The following FLG variants were observed in gnomAD, a reference collection of about 807,000 sequenced individuals.
FLG encodes epidermal filaggrin.
A neutral mutation model predicts 3.8 loss-of-function variants in FLG; 6 were observed. That is an observed-to-expected ratio of 1.60 (90% confidence interval 0.87 to 3.15). The LOEUF is 3.15. Ranked by LOEUF, FLG falls within the 30% of genes most tolerant of loss-of-function variation. The probability of loss-of-function intolerance (pLI) is 0.00; values close to 1 mark genes in which losing one functional copy is unlikely to be tolerated. For missense variants in FLG, 7,595 were observed against 5,050.9 expected (o/e 1.50, Z -15.27); for synonymous variants, 2,551 against 1,931.6 (o/e 1.32, Z -8.41).
rs140980397 is a variant in FLG at position 152,308,956 on chromosome 1, G to T, written c.5930C>A (p.Ser1977Ter). The T allele has an allele frequency of 1.9e-6, 3 of 1,614,182 alleles. No individual in the cohort carries two copies. The highest frequency in any genetic ancestry group is 2.5e-6 in the Non-Finnish European group (3 of 1,180,012). ...HGHSADSSRQ[S>*]GTRHTESSSR... ...GGAAGACTCTGTGTGACGAGTGCCT[G>T]ATTGTCTGGAGCTGTCTGCAGAGTG... The change falls in exon 3 of 3, where the codon TCA becomes TAA. Residue 1977 changes from serine to a stop codon, truncating the protein, a stop_gained. Transcript: ENST00000368799. LOFTEE classifies it low-confidence loss of function (END_TRUNC).
Position 152,304,303 on chromosome 1 carries a change from C to T in FLG, c.10583G>A (p.Gly3528Glu), listed in dbSNP as rs1369550382. The change falls in exon 3 of 3, where the codon GGG (glycine) becomes GAG (glutamate). Residue 3528 changes from glycine to glutamate, a missense_variant. Coordinates refer to ENST00000368799, the MANE Select transcript of FLG (RefSeq NM_002016.2). ...TCCCTGGTTCCTGCTTGTCCTGGGC[C>T]CCGCTGATTGTCCCTGGCCGGACTG... ...HSQSGQGQSA[G>E]PRTSRNQGSS... is the part of the protein sequence containing the mutation. 2 of 1,612,272 alleles carry T rather than the reference C, an allele frequency of 1.2e-6. No homozygotes were observed. The highest frequency in any genetic ancestry group is 1.7e-6 in the Non-Finnish European group (2 of 1,179,042).
In FLG at chr1:152,310,207, C is replaced by T. The variant is rs376401439; in HGVS notation, c.4679G>A (p.Arg1560His). The change falls in exon 3 of 3, where the codon CGT (arginine) becomes CAT (histidine). Residue 1560 changes from arginine (R) to histidine (H), a missense_variant. Transcript: ENST00000368799. ...GGCCCGAGTGGAAGGTTCATGGTGACGTGACCCTGAGTGCCTGGAGCCGTC... is the reference window on the plus strand; with the variant it reads ...GGCCCGAGTGGAAGGTTCATGGTGATGTGACCCTGAGTGCCTGGAGCCGTC... ...SGDGSRHSGS[R>H]HHEPSTRAGS... The T allele has an allele frequency of 3.3e-5, 53 of 1,613,466 alleles. No homozygotes were observed. Among genetic ancestry groups the T allele is most frequent in the African/African-American group, 1.3e-4 (10 of 74,706 alleles).
rs770082420 is a variant in FLG, at chr1:152,308,950, G to C, written c.5936C>G (p.Thr1979Ser). The change falls in exon 3 of 3, where the codon ACT becomes AGT. Residue 1979 changes from threonine to serine, a missense_variant. Coordinates refer to ENST00000368799, the MANE Select transcript of FLG (RefSeq NM_002016.2). The stretch of plus-strand genomic sequence containing the variant: ...ACGAGAGGAAGACTCTGTGTGACGA[G>C]TGCCTGATTGTCTGGAGCTGTCTGC... ...HSADSSRQSG[T>S]RHTESSSRGQ... 4.3e-6 allele frequency: 7 copies of C among 1,614,176 alleles called. No individual in the cohort carries two copies. The highest frequency in any genetic ancestry group is 3.4e-6 in the Non-Finnish European group (4 of 1,180,004).
Position 152,308,307 on chromosome 1 carries a change from T to C in FLG, c.6579A>G (p.Thr2193=). 6.2e-7 allele frequency: 1 copy of C among 1,613,604 alleles called. No homozygotes were observed. The highest frequency in any genetic ancestry group is 1.1e-5 in the South Asian group (1 of 91,052). Residue 2193 remains threonine, a synonymous_variant, in exon 3 of 3, where the codon ACA becomes ACG. Transcript: ENST00000368799. ...QSGSRSASRK[T]YDKEQSGDGS... is the part of the protein sequence containing the mutation. ...CATCTCCTGATTGTTCCTTGTCATATGTTTTTCTGCTTGCACTTCTGGATC... is the reference window on the plus strand; with the variant it reads ...CATCTCCTGATTGTTCCTTGTCATACGTTTTTCTGCTTGCACTTCTGGATC...
rs1416348327 is a variant in FLG at position 152,311,094 on chromosome 1, C to A, written c.3792G>T (p.Arg1264Ser). The change falls in exon 3 of 3, where the codon AGG becomes AGT. Residue 1264 changes from arginine to serine, a missense_variant. Transcript: ENST00000368799. ...QEQSSGSRTSRHQGSSVSQDS... is the reference protein window; with the variant it reads ...QEQSSGSRTSSHQGSSVSQDS... ...CCTGGCTAACACTGGATCCCTGGTGCCTGCTTGTCCTGGACCCCGATGATT... is the reference window on the plus strand; with the variant it reads ...CCTGGCTAACACTGGATCCCTGGTGACTGCTTGTCCTGGACCCCGATGATT... The A allele has an allele frequency of 2.5e-6, 4 of 1,613,792 alleles. No homozygotes were observed. The highest frequency in any genetic ancestry group is 3.4e-6 in the Non-Finnish European group (4 of 1,180,004).
chr1:152,307,497 A>G lies in FLG; in HGVS notation c.7389T>C (p.His2463=), dbSNP rs369666445. Residue 2463 remains histidine, a synonymous_variant, in exon 3 of 3, where the codon CAT becomes CAC. Transcript: ENST00000368799. ...STSQEGQDTI[H]GHPGSSSGGR... is the part of the protein sequence containing the mutation. ...CTCCACTGCTTGACCCCGGGTGTCCATGAATGGTGTCCTGACCCTCTTGGG... is the reference window on the plus strand; with the variant it reads ...CTCCACTGCTTGACCCCGGGTGTCCGTGAATGGTGTCCTGACCCTCTTGGG... The G allele has an allele frequency of 2.4e-5, 39 of 1,613,056 alleles. No individual in the cohort carries two copies. The highest frequency in any genetic ancestry group is 3.1e-5 in the Non-Finnish European group (36 of 1,179,738).
In FLG at chr1:152,304,327, T is replaced by A; in HGVS notation, c.10559A>T (p.Gln3520Leu). Residue 3520 changes from glutamine to leucine, a missense_variant, in exon 3 of 3, where the codon CAG becomes CTG. Physicochemically the swap from Gln to Leu is moderately radical, Grantham distance 113. Coordinates refer to ENST00000368799, the MANE Select transcript of FLG (RefSeq NM_002016.2). ...CCCCGCTGATTGTCCCTGGCCGGAC[T>A]GTGAGTGTCTAGAGCTGTCCGCCTG... is the stretch of plus-strand genomic sequence containing the variant. ...STQADSSRHS[Q>L]SGQGQSAGPR... 6.2e-7 allele frequency: 1 copy of A among 1,611,668 alleles called. No individual in the cohort carries two copies. Among genetic ancestry groups the A allele is most frequent in the African/African-American group, 1.3e-5 (1 of 74,916 alleles).
At chr1:152,316,797 T>C (rs150115494) in intron 1 of FLG, among the ~76,000 whole-genome samples, 235 of 152,286 alleles carry the variant, frequency 1.5e-3, no homozygotes, top group African/African-American at 5.4e-3. Flanking sequence ...ATGTACTCAC[T>C]TCCCTTTTTA....
rs372882396 is a variant in FLG at position 152,308,461 on chromosome 1, G to T, written c.6425C>A (p.Pro2142Gln). 9.3e-6 allele frequency: 15 copies of T among 1,613,640 alleles called. No homozygotes were observed. The South Asian group carries it at 1.5e-4, about 17-fold the overall frequency. Residue 2142 changes from proline (P) to glutamine (Q), a missense_variant, in exon 3 of 3, where the codon CCG becomes CAG. Transcript: ENST00000368799. ...QEGQDTIRGH[P>Q]GPSRGGRQGS... The stretch of plus-strand genomic sequence containing the variant: ...CTGTCTTCCTCCTCTGCTTGGCCCC[G>T]GGTGTCCACGAATGGTGTCCTGACC...
chr1:152,310,290 A>G lies in FLG; in HGVS notation c.4596T>C (p.His1532=), dbSNP rs1652311385. 1.9e-6 allele frequency: 3 copies of G among 1,613,788 alleles called. No individual in the cohort carries two copies. The highest frequency in any genetic ancestry group is 2.5e-6 in the Non-Finnish European group (3 of 1,179,938). The part of the protein sequence containing the change: ...TTPQGRSDAS[H]GQSGPRSASR... ...TTGCACTTCTGGGTCCTGACTGCCC[A>G]TGGGAGGCATCAGACCTTCCCTGGG... Residue 1532 remains histidine, a synonymous_variant, in exon 3 of 3, where the codon CAT becomes CAC. Coordinates refer to ENST00000368799, the MANE Select transcript of FLG (RefSeq NM_002016.2).
chr1:152,303,324 C>G lies in FLG; in HGVS notation c.11562G>C (p.Arg3854Ser). ...CACTGGATCCCTGGCGCCTGCTTCT[C>G]CTGGACCCCGCTGATTCACCCTGGC... ...QSGQGESAGS[R>S]RSRRQGSSVS... The change falls in exon 3 of 3, where the codon AGG becomes AGC. Residue 3854 changes from arginine (R) to serine (S), a missense_variant. Coordinates refer to ENST00000368799, the MANE Select transcript of FLG (RefSeq NM_002016.2). The G allele has an allele frequency of 6.2e-7, 1 of 1,614,136 alleles. No individual in the cohort carries two copies.
rs1294359075 is a variant in FLG at position 152,309,759 on chromosome 1, A to G, written c.5127T>C (p.Ser1709=). 1.2e-6 allele frequency: 2 copies of G among 1,613,432 alleles called. No individual in the cohort carries two copies. Among genetic ancestry groups the G allele is most frequent in the African/African-American group, 1.3e-5 (1 of 74,724 alleles). Residue 1709 remains serine (S), a synonymous_variant, in exon 3 of 3, where the codon AGT becomes AGC. Transcript: ENST00000368799. ...GGCTACCACTGGACCCTCGGTTTCC[A>G]CTGTCTCCGACTACAGATGAATCTT... ...RRQDSSVVGD[S]GNRGSSGSQA...
chr1:152,308,601 G>C lies in FLG; in HGVS notation c.6285C>G (p.Ser2095Arg), dbSNP rs774677530. 3 of 1,613,978 alleles carry C rather than the reference G, an allele frequency of 1.9e-6. No individual in the cohort carries two copies. In the Admixed American group the frequency reaches 5.0e-5, roughly 27 times the overall value. ...GRSGSFLYQV[S>R]THEQSESTHG... The stretch of plus-strand genomic sequence containing the variant: ...GGGTGGACTCAGACTGTTCATGAGT[G>C]CTCACCTGGTAGAGGAAAGACCCTG... The change falls in exon 3 of 3, where the codon AGC becomes AGG. Residue 2095 changes from serine (S) to arginine (R), a missense_variant. By Grantham distance (110) the Ser-to-Arg change is moderately radical. Transcript: ENST00000368799.
Position 152,307,880 on chromosome 1 carries a change from G to A in FLG, c.7006C>T (p.Gln2336Ter), listed in dbSNP as rs754701219. The A allele has an allele frequency of 1.3e-5, 21 of 1,613,156 alleles. No individual in the cohort carries two copies. The highest frequency in any genetic ancestry group is 9.9e-5 in the South Asian group (9 of 90,940). Residue 2336 changes from glutamine (Q) to a stop codon, truncating the protein, a stop_gained, in exon 3 of 3, where the codon CAG becomes TAG. Transcript: ENST00000368799. LOFTEE classifies it low-confidence loss of function (END_TRUNC). ...AGERHGSHHQ[Q>*]SADSSRHSGI... ...GAGTGTCTGGAGCTGTCTGCTGACT[G>A]CTGGTGGTGGGATCCGTGTCTCTCT...
In FLG at chr1:152,307,863, G is replaced by A; in HGVS notation, c.7023C>T (p.Ser2341=). 3 of 1,613,088 alleles carry A rather than the reference G, an allele frequency of 1.9e-6. No individual in the cohort carries two copies. The highest frequency in any genetic ancestry group is 2.5e-6 in the Non-Finnish European group (3 of 1,179,700). ...GTCCGTGCCCAATGCCTGAGTGTCT[G>A]GAGCTGTCTGCTGACTGCTGGTGGT... ...GSHHQQSADS[S]RHSGIGHGQA... is the part of the protein sequence containing the mutation. Residue 2341 remains serine (S), a synonymous_variant, in exon 3 of 3, where the codon TCC becomes TCT. Transcript: ENST00000368799.
Position 152,308,433 on chromosome 1 carries a change from C to A in FLG, c.6453G>T (p.Gly2151=), listed in dbSNP as rs756319309. Reference sequence around the variant, plus strand: ...TATCTACCGATTGCTCTTGGTGGGACCCCTGTCTTCCTCCTCTGCTTGGCC... The same window carrying A: ...TATCTACCGATTGCTCTTGGTGGGAACCCTGTCTTCCTCCTCTGCTTGGCC... ...HPGPSRGGRQ[G]SHQEQSVDRS... is the part of the protein sequence containing the mutation. Residue 2151 remains glycine, a synonymous_variant, in exon 3 of 3, where the codon GGG becomes GGT. Coordinates refer to ENST00000368799, the MANE Select transcript of FLG (RefSeq NM_002016.2). 10 of 1,613,652 alleles carry A rather than the reference C, an allele frequency of 6.2e-6. No individual in the cohort carries two copies. The highest frequency in any genetic ancestry group is 1.6e-4 in the Middle Eastern group (1 of 6,062).
rs771268100 is a variant in FLG, at chr1:152,308,854, A to G, written c.6032T>C (p.Leu2011Pro). ...AGERHGSHHQ[L>P]QSADSSRHSG... The stretch of plus-strand genomic sequence containing the variant: ...GTGTCTGGAGCTGTCTGCTGACTGG[A>G]GCTGGTGGTGGGATCCATGTCTTTC... The change falls in exon 3 of 3, where the codon CTC becomes CCC. Residue 2011 changes from leucine (L) to proline (P), a missense_variant. Transcript: ENST00000368799. 9.3e-6 allele frequency: 15 copies of G among 1,613,142 alleles called. No individual in the cohort carries two copies. Among genetic ancestry groups the G allele is most frequent in the Non-Finnish European group, 1.2e-5 (14 of 1,179,484 alleles).
rs754812742 is a variant in FLG at position 152,310,981 on chromosome 1, G to T, written c.3905C>A (p.Ser1302Ter). ...CCCAGGGTGTCTGGAGCCATCTCTT[G>T]ACTGCTCCCGAGAAGATCCATGATG... ...RNHHGSSREQ[S>*]RDGSRHPGFH... Residue 1302 changes from serine to a stop codon, truncating the protein, a stop_gained, in exon 3 of 3, where the codon TCA becomes TAA. Coordinates refer to ENST00000368799, the MANE Select transcript of FLG (RefSeq NM_002016.2). LOFTEE classifies it low-confidence loss of function (END_TRUNC). The T allele has an allele frequency of 3.0e-5, 48 of 1,613,890 alleles. 1 individual carries two copies. The East Asian group carries it at 9.8e-4, about 33-fold the overall frequency.
Position 152,302,582 on chromosome 1 carries a change from A to T in FLG, c.*118T>A, listed in dbSNP as rs1651676041. On this transcript the variant is annotated 3_prime_UTR_variant, in exon 3 of 3. Coordinates refer to ENST00000368799, the MANE Select transcript of FLG (RefSeq NM_002016.2). ...CCAAACTAATGAAATACTATAGCAT[A>T]TTTTAAACAGATTGACAGGAAAAGA... 2 of 1,344,030 alleles carry T rather than the reference A, an allele frequency of 1.5e-6. No individual in the cohort carries two copies. Among genetic ancestry groups the T allele is most frequent in the Non-Finnish European group, 2.0e-6 (2 of 988,380 alleles). The allele number at this position is 1,344,030 out of a possible 1,614,324, so 83.3% of individuals were successfully genotyped here.
Sources: gnomAD v4.1 joint callset for allele counts (sites outside exome capture counted in the v4.1 genomes callset) on GRCh38, gnomAD v4.1.1 for gene constraint, MANE v1.5 for transcripts, NCBI Gene and HGNC (gene_info 2026-07-23, HGNC 2026-07-21) for gene names.